The following PRIM2 variants were observed in gnomAD, a reference collection of about 807,000 sequenced individuals.
PRIM2 encodes the protein DNA primase subunit 2.
A neutral mutation model predicts 67.3 loss-of-function variants in PRIM2; 39 were observed. The ratio of observed to expected loss-of-function variants is 0.58; its 90% CI spans 0.45 to 0.76. The LOEUF (loss-of-function observed/expected upper bound fraction) is 0.76. Ranked by LOEUF, PRIM2 falls within the 30% of genes least tolerant of loss-of-function variation. The pLI is 0.00. For missense variants in PRIM2, 398 were observed against 598.7 expected (o/e 0.66, Z 3.50); for synonymous variants, 143 against 198.7 (o/e 0.72, Z 2.36).
At chr6:57,538,862 C>G (rs1340873837) in intron 10 of PRIM2, among the ~76,000 whole-genome samples, 1 of 152,056 alleles carries the variant, frequency 6.6e-6, no homozygotes, top group African/African-American at 2.4e-5. Flanking sequence ...ACTAGTCTTA[C>G]GGGATTAGGG....
chr6:57,386,407 T>G (rs374890470), intron 7 of PRIM2, among the ~76,000 whole-genome samples: 1 of 107,008 alleles, frequency 9.3e-6, no homozygotes, highest in Non-Finnish European at 1.7e-5. Flanking sequence ...GACAGAGTGA[T>G]ACCCTGTCTC....
intron 10 of PRIM2, among the ~76,000 whole-genome samples, chr6:57,547,626 G>C: frequency 6.6e-6 from 1 of 152,166 alleles, no homozygotes; most frequent in Middle Eastern, 3.2e-3. Flanking sequence ...TGTCCTGTCA[G>C]ATTGCTCATA....
chr6:57,549,475 A>G (rs1775357875), intron 10 of PRIM2, among the ~76,000 whole-genome samples: 1 of 152,058 alleles, frequency 6.6e-6, no homozygotes, highest in Admixed American at 6.6e-5. Flanking sequence ...TGTAAACTTT[A>G]GAGAACACAA....
intron 7 of PRIM2, among the ~76,000 whole-genome samples, chr6:57,410,022 T>C (rs1330240296): frequency 6.6e-6 from 1 of 152,098 alleles, no homozygotes; most frequent in South Asian, 2.1e-4. Context: ...TTTGGCACTA[T>C]TAGTAGAAAA....
chr6:57,422,408 A>T (rs998921434), intron 7 of PRIM2, among the ~76,000 whole-genome samples: 1 of 152,040 alleles, frequency 6.6e-6, no homozygotes, highest in Non-Finnish European at 1.5e-5. Context: ...AAGTGCTGGG[A>T]TTACAGGTGT....
chr6:57,334,456 T>A (rs896540764), intron 5 of PRIM2, among the ~76,000 whole-genome samples: 1 of 152,202 alleles, frequency 6.6e-6, no homozygotes, highest in African/African-American at 2.4e-5. Flanking sequence ...ATATGGTGGT[T>A]CTATTTTTAA....
intron 10 of PRIM2, among the ~76,000 whole-genome samples, chr6:57,555,091 T>A (rs1775484781): frequency 1.3e-5 from 2 of 152,140 alleles, no homozygotes; most frequent in Admixed American, 1.3e-4. Flanking sequence ...TAGAGACAAA[T>A]GGACTAAAAA....
intron 7 of PRIM2, among the ~76,000 whole-genome samples, chr6:57,499,062 C>A (rs1774071658): frequency 6.6e-6 from 1 of 152,126 alleles, no homozygotes; most frequent in Admixed American, 6.6e-5. Flanking sequence ...AGCTTCATAG[C>A]TGGAGGCAGA....
At chr6:57,229,873 C>T in the PRIM2 span, among the ~76,000 whole-genome samples, 2 of 39,042 alleles carry the variant, frequency 5.1e-5, no homozygotes, top group African/African-American at 2.8e-4. Context: ...TTGTTGCACT[C>T]GATGACTCTC....
chr6:57,354,867 T>A (rs1483541117), intron 5 of PRIM2, among the ~76,000 whole-genome samples: 1 of 152,258 alleles, frequency 6.6e-6, no homozygotes, highest in Non-Finnish European at 1.5e-5. Flanking sequence ...ATTGAGCTTA[T>A]TAGATTCTGT....
intron 7 of PRIM2, among the ~76,000 whole-genome samples, chr6:57,501,136 CATCCTGATCAAGT>C (rs1774121660): frequency 6.6e-6 from 1 of 152,106 alleles, no homozygotes; most frequent in Non-Finnish European, 1.5e-5. Context: ...TTACCTTTTC[CATCCTGATCAAGT>C]TTATTTTTAG....
At chr6:57,553,492 G>A (rs1214586993) in intron 10 of PRIM2, among the ~76,000 whole-genome samples, 1 of 152,096 alleles carries the variant, frequency 6.6e-6, no homozygotes, top group African/African-American at 2.4e-5. Flanking sequence ...TGATCTCAAG[G>A]TAATTCAAGA....
At chr6:57,308,938 A>ATT in the PRIM2 span, among the ~76,000 whole-genome samples, 3 of 140,124 alleles carry the variant, frequency 2.1e-5, no homozygotes, top group African/African-American at 5.2e-5. Context: ...TTGTTTGTTT[A>ATT]TTTTTTTTTT....
chr6:57,538,413 A>G (rs1775044272), intron 10 of PRIM2, among the ~76,000 whole-genome samples: 1 of 152,000 alleles, frequency 6.6e-6, no homozygotes, highest in Admixed American at 6.5e-5. Context: ...TATATTCCCA[A>G]TCCTATGCCT....
the PRIM2 span, among the ~76,000 whole-genome samples, chr6:57,292,048 G>C: frequency 6.6e-6 from 1 of 152,174 alleles, no homozygotes; most frequent in South Asian, 2.1e-4. Flanking sequence ...AAAAGAGGAA[G>C]TCAAATTGTC....
intron 12 of PRIM2, among the ~76,000 whole-genome samples, chr6:57,624,753 A>G (rs1776917328): frequency 2.0e-5 from 3 of 152,200 alleles, no homozygotes; most frequent in African/African-American, 7.2e-5. Context: ...TGAGACTTCT[A>G]CCTTCATGGA....
the PRIM2 span, among the ~76,000 whole-genome samples, chr6:57,262,788 A>C: frequency 2.0e-5 from 3 of 152,098 alleles, no homozygotes. Context: ...TAAACAAAAC[A>C]ACTCACAGAG....
chr6:57,418,244 C>T (rs1336154439), intron 7 of PRIM2, among the ~76,000 whole-genome samples: 5 of 150,950 alleles, frequency 3.3e-5, no homozygotes, highest in Admixed American at 1.3e-4. Context: ...AGGGAGGAAA[C>T]GCAAATAGAA....
chr6:57,376,718 G>C (rs1251773379), intron 5 of PRIM2, among the ~76,000 whole-genome samples: 1 of 151,994 alleles, frequency 6.6e-6, no homozygotes, highest in Non-Finnish European at 1.5e-5. Flanking sequence ...TTTTTCTCCA[G>C]TTTCTCTAAG....
Sources: gnomAD v4.1 joint callset for allele counts (sites outside exome capture counted in the v4.1 genomes callset) on GRCh38, gnomAD v4.1.1 for gene constraint, MANE v1.5 for transcripts, NCBI Gene and HGNC (gene_info 2026-07-23, HGNC 2026-07-21) for gene names.